Variants in SDR16C5 observed in about 807,000 individuals in gnomAD.
The protein encoded by SDR16C5 is short chain dehydrogenase/reductase family 16C member 5.
A neutral mutation model predicts 27.7 loss-of-function variants in SDR16C5; 20 were observed. The observed-to-expected ratio is 0.72, with a 90% confidence interval of 0.51 to 1.05. The LOEUF is 1.05. Ranked by LOEUF, SDR16C5 falls within the 50% of genes least tolerant of loss-of-function variation. SDR16C5 has a pLI of 0.00. For missense variants in SDR16C5, 374 were observed against 366.3 expected (o/e 1.02, Z -0.17); for synonymous variants, 139 against 132.3 (o/e 1.05, Z -0.35).
At chr8:56,303,863 A>G in intron 6 of SDR16C5, 2 of 670,140 alleles carry the variant, frequency 3.0e-6, no homozygotes, top group East Asian at 2.7e-5. Flanking sequence ...CACCCTGCCC[A>G]ATAAACAGTG....
chr8:56,304,541 CTTTT>C (rs112185986), intron 6 of SDR16C5, among the ~76,000 whole-genome samples: 1 of 145,090 alleles, frequency 6.9e-6, no homozygotes, highest in Non-Finnish European at 1.5e-5. Flanking sequence ...GTTTTTTGCA[CTTTT>C]TTTTTTTTTG....
intron 1 of SDR16C5, among the ~76,000 whole-genome samples, chr8:56,318,511 G>C (rs572340336): frequency 1.3e-5 from 2 of 152,086 alleles, no homozygotes; most frequent in African/African-American, 4.8e-5. Context: ...CAGCAGCCTG[G>C]GCGTCGCCAA....
At chr8:56,309,771 G>A (rs1195630752) in intron 3 of SDR16C5, among the ~76,000 whole-genome samples, 1 of 152,086 alleles carries the variant, frequency 6.6e-6, no homozygotes, top group Non-Finnish European at 1.5e-5. Flanking sequence ...AGAGAGGTGG[G>A]AAATCAAAAC....
rs80275581 is a variant in SDR16C5, at chr8:56,308,817, G to A, written c.565+111C>T. ...AACCACTTATTGACTATACTTTTTA[G>A]TTTATTATCCTTTATCTTAGGGCAT... On this transcript the variant is annotated intron_variant, in intron 4 of 6. Transcript: ENST00000303749. 1.5e-3 allele frequency: 1,035 copies of A among 702,460 alleles called. 13 individuals are homozygous for A. The African/African-American group carries it at 0.017, about 12-fold the overall frequency. The allele number at this position is 702,460 out of a possible 1,614,324, so 43.5% of individuals were successfully genotyped here.
At chr8:56,308,848 C>A in intron 4 of SDR16C5, 80 bp downstream of exon 4, 1 of 931,686 alleles carries the variant, frequency 1.1e-6, no homozygotes, top group South Asian at 1.6e-5. Flanking sequence ...GGCATCAAGT[C>A]AGTGCTAATT....
At chr8:56,306,520 C>G (rs563502859) in intron 5 of SDR16C5, among the ~76,000 whole-genome samples, 156 bp downstream of exon 5, 7 of 152,194 alleles carry the variant, frequency 4.6e-5, no homozygotes, top group African/African-American at 1.7e-4. Context: ...ATCCTTCACA[C>G]AAACACATAC....
At chr8:56,301,676 C>T (rs1814758581) in intron 6 of SDR16C5, 103 bp from the exon 7 acceptor site, 2 of 814,226 alleles carry the variant, frequency 2.5e-6, no homozygotes, top group Non-Finnish European at 4.2e-6. Context: ...GATGAAGTCA[C>T]TCACTCATGC....
chr8:56,305,033 A>G (rs1272242263), intron 6 of SDR16C5, among the ~76,000 whole-genome samples: 5 of 152,282 alleles, frequency 3.3e-5, no homozygotes, highest in South Asian at 2.1e-4. Flanking sequence ...TGGACTCCCA[A>G]AGTGCTGGGA....
chr8:56,304,920 C>T (rs377004819), intron 6 of SDR16C5, among the ~76,000 whole-genome samples: 1 of 152,184 alleles, frequency 6.6e-6, no homozygotes, highest in Non-Finnish European at 1.5e-5. Flanking sequence ...CAGGGGTGCA[C>T]CACCATGCCT....
chr8:56,312,316 A>G lies in SDR16C5; in HGVS notation c.334-28T>C, dbSNP rs368004496. Reference sequence around the variant, plus strand: ...GAATTGAATAAGAGCAACACCACCAATGTAGTAATTCCTTACATGGGCTAG... The same window carrying G: ...GAATTGAATAAGAGCAACACCACCAGTGTAGTAATTCCTTACATGGGCTAG... On this transcript the variant is annotated intron_variant, in intron 2 of 6. Transcript: ENST00000303749. 8 of 1,600,572 alleles carry G rather than the reference A, an allele frequency of 5.0e-6. No individual in the cohort carries two copies. In the African/African-American group the frequency reaches 1.1e-4, roughly 21 times the overall value.
At chr8:56,318,101 C>A (rs1326392246) in intron 1 of SDR16C5, among the ~76,000 whole-genome samples, 1 of 152,056 alleles carries the variant, frequency 6.6e-6, no homozygotes, top group Non-Finnish European at 1.5e-5. Context: ...GAGTGGATAT[C>A]CAAATGATGA....
rs1292697766 is a variant in SDR16C5 at position 56,307,356 on chromosome 8, A to G, written c.566-536T>C. ...CACCTCTTAAATACCTTGAAAATGTAGGGTGGGGGCAGAGGAAGGAGTGGA... is the reference window on the plus strand; with the variant it reads ...CACCTCTTAAATACCTTGAAAATGTGGGGTGGGGGCAGAGGAAGGAGTGGA... On this transcript the variant is annotated intron_variant, in intron 4 of 6. Coordinates refer to ENST00000303749, the MANE Select transcript of SDR16C5 (RefSeq NM_138969.4). Among the ~76,000 whole-genome samples, 4 of 152,066 alleles carry G rather than the reference A, an allele frequency of 2.6e-5. 1 individual carries two copies. Among genetic ancestry groups the G allele is most frequent in the Admixed American group, 2.6e-4 (4 of 15,270 alleles).
In SDR16C5 at chr8:56,316,026, C is replaced by T; in HGVS notation, c.322G>A (p.Val108Ile). Residue 108 changes from valine to isoleucine, a missense_variant, in exon 2 of 7, where the codon GTA (valine) becomes ATA (isoleucine). Transcript: ENST00000303749. ...DCSQKEGVYR[V>I]ADQVKKEVGD... Reference sequence around the variant, plus strand: ...CACACAAGAGTTACCTGGTCGGCTACTCTATACACTCCTTCCTTTTGGCTG... The same window carrying T: ...CACACAAGAGTTACCTGGTCGGCTATTCTATACACTCCTTCCTTTTGGCTG... 1 of 1,612,610 alleles carries T rather than the reference C, an allele frequency of 6.2e-7. No homozygotes were observed. Among genetic ancestry groups the T allele is most frequent in the South Asian group, 1.1e-5 (1 of 91,030 alleles).
intron 1 of SDR16C5, among the ~76,000 whole-genome samples, chr8:56,318,561 C>T (rs1815256760): frequency 6.6e-6 from 1 of 152,168 alleles, no homozygotes; most frequent in Non-Finnish European, 1.5e-5. Flanking sequence ...GTCAGACCAC[C>T]ACATTCCCTT....
intron 1 of SDR16C5, among the ~76,000 whole-genome samples, chr8:56,319,558 C>T (rs1815281699): frequency 6.6e-6 from 1 of 152,210 alleles, no homozygotes; most frequent in Admixed American, 6.5e-5. Context: ...CAAACAGGCG[C>T]CCTCGGCTTC....
Position 56,301,187 on chromosome 8 carries a change from C to T in SDR16C5, c.*293G>A, listed in dbSNP as rs1053044052. The T allele has an allele frequency of 3.1e-5, 9 of 288,508 alleles. No individual in the cohort carries two copies. The highest frequency in any genetic ancestry group is 2.0e-4 in the African/African-American group (9 of 45,410). The allele number at this position is 288,508 out of a possible 1,614,324, so 17.9% of individuals were successfully genotyped here. ...CCCCAACGACCAAAGCTCAGGGCAGCTCATGGCCATGGCTTATCACTTTCT... is the reference window on the plus strand; with the variant it reads ...CCCCAACGACCAAAGCTCAGGGCAGTTCATGGCCATGGCTTATCACTTTCT... On this transcript the variant is annotated 3_prime_UTR_variant, in exon 7 of 7. Coordinates refer to ENST00000303749, the MANE Select transcript of SDR16C5 (RefSeq NM_138969.4).
Position 56,314,616 on chromosome 8 carries a change from TGC to T in SDR16C5, c.333+1397_333+1398del, listed in dbSNP as rs575740560. On this transcript the variant is annotated intron_variant, in intron 2 of 6. Transcript: ENST00000303749. ...GTAGCTGAATTTGTGAGATCAGCTGTGCTTGGAAGAGTGGGCCCAGCGTAGGC... is the reference window on the plus strand; with the variant it reads ...GTAGCTGAATTTGTGAGATCAGCTGTTTGGAAGAGTGGGCCCAGCGTAGGC... Among the ~76,000 whole-genome samples, 707 of 152,318 alleles carry T rather than the reference TGC, an allele frequency of 4.6e-3. 7 individuals are homozygous for T. Among genetic ancestry groups the T allele is most frequent in the African/African-American group, 0.016 (677 of 41,576 alleles).
chr8:56,308,319 G>C (rs913957599), intron 4 of SDR16C5, among the ~76,000 whole-genome samples: 1 of 152,182 alleles, frequency 6.6e-6, no homozygotes, highest in African/African-American at 2.4e-5. Flanking sequence ...TGGTAGGTTA[G>C]GTCAAGATTT....
At chr8:56,315,482 A>G (rs951600029) in intron 2 of SDR16C5, among the ~76,000 whole-genome samples, 1 of 152,194 alleles carries the variant, frequency 6.6e-6, no homozygotes, top group Non-Finnish European at 1.5e-5. Context: ...TGGAGTGGAC[A>G]CAGCCTAAAT....
Sources: gnomAD v4.1 joint callset for allele counts (sites outside exome capture counted in the v4.1 genomes callset) on GRCh38, gnomAD v4.1.1 for gene constraint, MANE v1.5 for transcripts, NCBI Gene and HGNC (gene_info 2026-07-23, HGNC 2026-07-21) for gene names.